DHRS3: variants seen among roughly 807,000 people sequenced by gnomAD.
DHRS3 encodes short-chain dehydrogenase/reductase 3.
In DHRS3, 14 loss-of-function variants were observed where a neutral mutation model predicts 27.2. The ratio of observed to expected loss-of-function variants is 0.52; its 90% CI spans 0.34 to 0.81. DHRS3 has a LOEUF of 0.81. Ranked by LOEUF, DHRS3 falls within the 30% of genes least tolerant of loss-of-function variation. DHRS3 has a pLI of 0.01. For missense variants in DHRS3, 322 were observed against 406.2 expected (o/e 0.79, Z 1.78); for synonymous variants, 165 against 175.9 (o/e 0.94, Z 0.49).
intron 1 of DHRS3, among the ~76,000 whole-genome samples, chr1:12,601,911 T>TGCTC (rs762228660): frequency 5.1e-4 from 78 of 152,186 alleles, no homozygotes; most frequent in Non-Finnish European, 1.1e-3. Flanking sequence ...ACACAGTAGG[T>TGCTC]GCTCAGTAAT....
chr1:12,613,483 T>C (rs1002386835), intron 1 of DHRS3, among the ~76,000 whole-genome samples: 5 of 152,242 alleles, frequency 3.3e-5, no homozygotes, highest in African/African-American at 1.2e-4. Flanking sequence ...GTAGGTTTGC[T>C]AAGCTAGGTC....
intron 1 of DHRS3, among the ~76,000 whole-genome samples, chr1:12,588,537 G>A (rs1478346781): frequency 6.6e-6 from 1 of 152,110 alleles, no homozygotes; most frequent in Non-Finnish European, 1.5e-5. Context: ...GCTGACTGGT[G>A]AACACCCCTG....
intron 1 of DHRS3, among the ~76,000 whole-genome samples, chr1:12,581,822 C>T (rs953489511): frequency 4.6e-5 from 7 of 152,114 alleles, no homozygotes; most frequent in African/African-American, 4.8e-5. Flanking sequence ...GGCTGAACAC[C>T]GCCCAGAGGT....
intron 1 of DHRS3, chr1:12,616,489 G>A: frequency 1.1e-6 from 1 of 895,420 alleles, no homozygotes; most frequent in Non-Finnish European, 1.3e-6. Context: ...AGGGATCCCT[G>A]GGGGGTGTAC....
At chr1:12,614,768 C>G in intron 1 of DHRS3, among the ~76,000 whole-genome samples, 1 of 138,164 alleles carries the variant, frequency 7.2e-6, no homozygotes, top group Non-Finnish European at 1.5e-5. Context: ...CCACCAGAAT[C>G]TAGGCTGGGA....
chr1:12,618,031 T>G lies in DHRS3; in HGVS notation c.-683A>C, dbSNP rs1044651404. The stretch of plus-strand genomic sequence containing the variant: ...GGGTCCGGGTGTCAGTTTCTTTACG[T>G]GCAGCGCTCGCCCTCGCGCGCGCTC... On this transcript the variant is annotated 5_prime_UTR_variant, in exon 1 of 6. Coordinates refer to ENST00000616661, the MANE Select transcript of DHRS3 (RefSeq NM_004753.7). This position sits in a 1 kb window ranked among gnomAD's most constrained non-coding sequence, Gnocchi z 4.2. 6.6e-6 allele frequency among the ~76,000 whole-genome samples: 1 copy of G among 151,928 alleles called. No individual in the cohort carries two copies. Among genetic ancestry groups the G allele is most frequent in the African/African-American group, 2.4e-5 (1 of 41,366 alleles).
chr1:12,585,285 GTCTC>G (rs916663692), intron 1 of DHRS3, among the ~76,000 whole-genome samples: 37 of 141,248 alleles, frequency 2.6e-4, no homozygotes, highest in South Asian at 9.3e-4. Context: ...GTCTGTGTGT[GTCTC>G]TCTATGTGAG....
At chr1:12,583,765 T>C (rs1646668462) in intron 1 of DHRS3, among the ~76,000 whole-genome samples, 1 of 149,480 alleles carries the variant, frequency 6.7e-6, no homozygotes, top group African/African-American at 2.5e-5. Flanking sequence ...CTCCACTCCA[T>C]CTGTCCATCC....
rs560343194 is a variant in DHRS3 at position 12,586,443 on chromosome 1, A to G, written c.196-5777T>C. The stretch of plus-strand genomic sequence containing the variant: ...AGCCTTCTCCTGCTTCGTCTCCTCC[A>G]ATGTCCACAACAGCCCCGTCCATCC... On this transcript the variant is annotated intron_variant, in intron 1 of 5. Transcript: ENST00000616661. The surrounding 1 kb of genome is among the most constrained non-coding windows in gnomAD (Gnocchi z 5.0). 4.0e-5 allele frequency among the ~76,000 whole-genome samples: 6 copies of G among 151,702 alleles called. No individual in the cohort carries two copies. The highest frequency in any genetic ancestry group is 1.5e-4 in the African/African-American group (6 of 41,338).
intron 1 of DHRS3, among the ~76,000 whole-genome samples, chr1:12,588,034 T>C (rs991181711): frequency 1.3e-5 from 2 of 152,230 alleles, no homozygotes; most frequent in African/African-American, 4.8e-5. Context: ...GTCACGGCCA[T>C]TTGGGGTCTA....
rs1049063477 is a variant in DHRS3, at chr1:12,575,331, G to C, written c.699-2478C>G. The stretch of plus-strand genomic sequence containing the variant: ...GACAGAGCAAGACTTTGTATCAAAA[G>C]AAAAAAAAAAAAAGAGGCTCAATAA... On this transcript the variant is annotated intron_variant, in intron 4 of 5. Coordinates refer to ENST00000616661, the MANE Select transcript of DHRS3 (RefSeq NM_004753.7). Among the ~76,000 whole-genome samples the C allele has an allele frequency of 2.6e-5, 3 of 117,142 alleles. No individual in the cohort carries two copies. The Admixed American group carries it at 2.6e-4, about 10-fold the overall frequency. The allele number at this position is 117,142 out of a possible 152,430, so 76.8% of individuals were successfully genotyped here.
intron 1 of DHRS3, among the ~76,000 whole-genome samples, chr1:12,590,247 T>G (rs1424286386): frequency 3.9e-5 from 6 of 152,044 alleles, no homozygotes; most frequent in Non-Finnish European, 8.8e-5. Flanking sequence ...CAGATATCAT[T>G]CCAGGCTTCT....
Position 12,590,467 on chromosome 1 carries a change from C to T in DHRS3, c.196-9801G>A, listed in dbSNP as rs937509701. ...CTGGGATTACAGGCATGCGCCACCA[C>T]GCCCGGCTAATTTTGTAATTTTAGT... On this transcript the variant is annotated intron_variant, in intron 1 of 5. Transcript: ENST00000616661. 7.2e-5 allele frequency among the ~76,000 whole-genome samples: 11 copies of T among 152,034 alleles called. No homozygotes were observed. The East Asian group carries it at 7.7e-4, about 11-fold the overall frequency.
At chr1:12,616,298 T>C (rs1646943935) in intron 1 of DHRS3, among the ~76,000 whole-genome samples, 1 of 152,150 alleles carries the variant, frequency 6.6e-6, no homozygotes. Context: ...CTGATGGCTC[T>C]GGTCACCGCG....
At chr1:12,611,963 G>A (rs1646913456) in intron 1 of DHRS3, among the ~76,000 whole-genome samples, 1 of 56,412 alleles carries the variant, frequency 1.8e-5, no homozygotes, top group African/African-American at 7.1e-5. Flanking sequence ...ATAAATAAAA[G>A]CTCAGTCTCT....
intron 1 of DHRS3, among the ~76,000 whole-genome samples, chr1:12,606,152 AAAAT>A (rs1217994646): frequency 5.2e-4 from 79 of 151,166 alleles, no homozygotes; most frequent in African/African-American, 1.8e-3. Context: ...AAAAAAAAAA[AAAAT>A]AGAAATCAGC....
intron 5 of DHRS3, among the ~76,000 whole-genome samples, chr1:12,568,947 G>A (rs746134114): frequency 7.2e-5 from 11 of 152,156 alleles, no homozygotes; most frequent in Non-Finnish European, 1.0e-4. Context: ...TTCAGACTGG[G>A]CGTGGTGGCT....
At position 12,574,082 on chromosome 1, in the gene DHRS3, T is replaced by C. The variant is rs116975061; in HGVS notation, c.699-1229A>G. Among the ~76,000 whole-genome samples the C allele has an allele frequency of 6.3e-4, 96 of 152,346 alleles. No homozygotes were observed. In the East Asian group the frequency reaches 0.018, roughly 28 times the overall value. ...TCATTCCTCAGCAACAGGCAGCCCT[T>C]GGACTCCCAGCAGGGGTTTGGCCTC... On this transcript the variant is annotated intron_variant, in intron 4 of 5. Coordinates refer to ENST00000616661, the MANE Select transcript of DHRS3 (RefSeq NM_004753.7). This position sits in a 1 kb window ranked among gnomAD's most constrained non-coding sequence, Gnocchi z 4.6.
chr1:12,575,748 C>T (rs865866416), intron 4 of DHRS3, among the ~76,000 whole-genome samples: 7 of 152,012 alleles, frequency 4.6e-5, no homozygotes, highest in Middle Eastern at 3.4e-3. Flanking sequence ...GCTGTGTTGC[C>T]CAGGCTGGAG....
Sources: gnomAD v4.1 joint callset for allele counts (sites outside exome capture counted in the v4.1 genomes callset) on GRCh38, gnomAD v4.1.1 for gene constraint, Gnocchi (gnomAD v3.1) non-coding constraint, MANE v1.5 for transcripts, NCBI Gene and HGNC (gene_info 2026-07-23, HGNC 2026-07-21) for gene names.